Variants in BMPER observed in about 807,000 individuals in gnomAD.
The protein encoded by BMPER is BMP binding endothelial regulator, also known as BMP-binding endothelial regulator protein.
A neutral mutation model predicts 87.3 loss-of-function variants in BMPER; 45 were observed. The observed-to-expected ratio is 0.52, with a 90% CI of 0.41 to 0.66. BMPER has a LOEUF of 0.66. BMPER is among the 30% of genes least tolerant of loss of function. The pLI is 0.00. For synonymous variants in BMPER, 326 were observed against 316.2 expected, an observed-to-expected ratio of 1.03 and a Z score of -0.33; for missense variants, 784 against 867.5, an observed-to-expected ratio of 0.90 and a Z score of 1.21.
intron 6 of BMPER, among the ~76,000 whole-genome samples, chr7:34,045,389 C>T (rs926475080): frequency 6.6e-6 from 1 of 152,114 alleles, no homozygotes; most frequent in Admixed American, 6.6e-5. Context: ...AAGCAGGCAC[C>T]TCTGGTGAGG....
rs555857138 is a variant in BMPER at position 34,131,668 on chromosome 7, A to G, written c.1746-11562A>G. 4.6e-5 allele frequency among the ~76,000 whole-genome samples: 7 copies of G among 152,222 alleles called. No individual in the cohort carries two copies. The South Asian group carries it at 1.2e-3, about 27-fold the overall frequency. ...ACTTTCATAAATTTTCCTCACCGCC[A>G]TTTGTGACTCCACACTCCCAATTAC... On this transcript the variant is annotated intron_variant, in intron 13 of 14. Coordinates refer to ENST00000649409, the MANE Select transcript of BMPER (RefSeq NM_001365308.1).
At chr7:34,145,178 G>A (rs1333504096) in intron 14 of BMPER, among the ~76,000 whole-genome samples, 1 of 152,206 alleles carries the variant, frequency 6.6e-6, no homozygotes, top group Non-Finnish European at 1.5e-5. Flanking sequence ...AAACCCCTGA[G>A]TTAGTTTGTG....
At chr7:33,996,352 AT>A (rs1167049551) in intron 6 of BMPER, among the ~76,000 whole-genome samples, 1 of 151,972 alleles carries the variant, frequency 6.6e-6, no homozygotes, top group Non-Finnish European at 1.5e-5. Context: ...TAGCTGTCGT[AT>A]TTTTTTATGG....
chr7:33,943,078 A>G (rs1220068911), intron 3 of BMPER, among the ~76,000 whole-genome samples: 1 of 152,102 alleles, frequency 6.6e-6, no homozygotes, highest in Non-Finnish European at 1.5e-5. Context: ...TTTTAAATTT[A>G]ATTAAACACT....
At chr7:33,937,434 C>T (rs1784632501) in intron 3 of BMPER, 46 bp downstream of exon 3, 2 of 1,576,856 alleles carry the variant, frequency 1.3e-6, no homozygotes, top group East Asian at 2.2e-5. Flanking sequence ...CTGCTTCAGG[C>T]ATTTTTATTT....
At chr7:34,094,900 G>A (rs1325752838) in intron 13 of BMPER, among the ~76,000 whole-genome samples, 3 of 152,108 alleles carry the variant, frequency 2.0e-5, no homozygotes, top group Non-Finnish European at 4.4e-5. Context: ...CCTTCAGAAC[G>A]TCCTATGCCA....
chr7:33,928,368 A>G (rs1784407835), intron 2 of BMPER, among the ~76,000 whole-genome samples: 1 of 152,090 alleles, frequency 6.6e-6, no homozygotes, highest in African/African-American at 2.4e-5. Flanking sequence ...CAGTTACACA[A>G]ATGTGCTGTT....
At chr7:34,079,641 C>G (rs1474775162) in intron 12 of BMPER, among the ~76,000 whole-genome samples, 1 of 152,210 alleles carries the variant, frequency 6.6e-6, no homozygotes, top group East Asian at 1.9e-4. Context: ...CTGTCCAAGT[C>G]TTTGCAGCGG....
chr7:33,993,467 A>G (rs900432914), intron 6 of BMPER, among the ~76,000 whole-genome samples: 4 of 131,788 alleles, frequency 3.0e-5, no homozygotes, highest in Admixed American at 7.7e-5. Context: ...TTTCAGCTCC[A>G]TCAGCTCCTT....
intron 3 of BMPER, among the ~76,000 whole-genome samples, chr7:33,945,187 C>G (rs4487648): frequency 2.0e-5 from 3 of 151,400 alleles, no homozygotes; most frequent in East Asian, 1.9e-4. Context: ...GTGATCCGCC[C>G]GCCTTGGCCT....
At position 33,954,234 on chromosome 7, in the gene BMPER, G is replaced by T. The variant is rs536970911; in HGVS notation, c.320-12245G>T. On this transcript the variant is annotated intron_variant, in intron 3 of 14. Transcript: ENST00000649409. ...TGCCATAAACTGAAAATATGTGACTGTTGGTATGCTTAAGTATTTTTATCT... is the reference window on the plus strand; with the variant it reads ...TGCCATAAACTGAAAATATGTGACTTTTGGTATGCTTAAGTATTTTTATCT... Among the ~76,000 whole-genome samples the T allele has an allele frequency of 4.1e-4, 63 of 152,292 alleles. 1 individual carries two copies. Among genetic ancestry groups the T allele is most frequent in the African/African-American group, 1.5e-3 (63 of 41,564 alleles).
At chr7:34,133,940 T>G (rs1790655705) in intron 13 of BMPER, among the ~76,000 whole-genome samples, 2 of 152,332 alleles carry the variant, frequency 1.3e-5, no homozygotes, top group Admixed American at 6.5e-5. Flanking sequence ...TCCGACTCTC[T>G]TGTACTTGAG....
chr7:33,905,693 T>A lies in BMPER; in HGVS notation c.80T>A (p.Leu27Gln). 1 of 1,613,290 alleles carries A rather than the reference T, an allele frequency of 6.2e-7. No individual in the cohort carries two copies. The highest frequency in any genetic ancestry group is 1.3e-5 in the African/African-American group (1 of 74,960). Reference protein sequence around the residue: ...RSPGITCCVLLLLNCSGVPMS... With the variant: ...RSPGITCCVLQLLNCSGVPMS... ...CCTGGGATTACGTGCTGCGTCTTGC[T>A]GCTACTCAATTGCTCGGGGGTCCCC... Residue 27 changes from leucine (L) to glutamine (Q), a missense_variant, in exon 1 of 15, where the codon CTG becomes CAG. Coordinates refer to ENST00000649409, the MANE Select transcript of BMPER (RefSeq NM_001365308.1).
chr7:33,971,707 A>G (rs1459694268), intron 5 of BMPER, among the ~76,000 whole-genome samples: 5 of 152,136 alleles, frequency 3.3e-5, no homozygotes, highest in Non-Finnish European at 7.4e-5. Flanking sequence ...AATCTTGATG[A>G]TCAAGCTGCA....
At chr7:33,964,268 A>G (rs1268143097) in intron 3 of BMPER, among the ~76,000 whole-genome samples, 1 of 152,184 alleles carries the variant, frequency 6.6e-6, no homozygotes, top group Non-Finnish European at 1.5e-5. Context: ...CTCCATAAGT[A>G]GTTGATGGTA....
At position 34,131,348 on chromosome 7, in the gene BMPER, A is replaced by G. The variant is rs562187575; in HGVS notation, c.1746-11882A>G. Among the ~76,000 whole-genome samples, 26 of 152,162 alleles carry G rather than the reference A, an allele frequency of 1.7e-4. 1 individual carries two copies. The South Asian group carries it at 4.6e-3, about 27-fold the overall frequency. ...AGACCCTTTCTTGTGCAGTGATGGG[A>G]TGTGAATGCTGGTTTATTGTGGAGC... On this transcript the variant is annotated intron_variant, in intron 13 of 14. Coordinates refer to ENST00000649409, the MANE Select transcript of BMPER (RefSeq NM_001365308.1).
rs563634574 is a variant in BMPER, at chr7:34,034,414, G to A, written c.577-11892G>A. ...AGAGGAAATACCACTTTCCTGAGCC[G>A]GAAAAGATTCCCTCTTCTGCCATGT... On this transcript the variant is annotated intron_variant, in intron 6 of 14. Coordinates refer to ENST00000649409, the MANE Select transcript of BMPER (RefSeq NM_001365308.1). Among the ~76,000 whole-genome samples, 9 of 152,224 alleles carry A rather than the reference G, an allele frequency of 5.9e-5. No individual in the cohort carries two copies. In the South Asian group the frequency reaches 1.5e-3, roughly 25 times the overall value.
intron 13 of BMPER, among the ~76,000 whole-genome samples, chr7:34,120,060 G>A (rs531120352): frequency 1.3e-5 from 2 of 152,182 alleles, no homozygotes; most frequent in Non-Finnish European, 2.9e-5. Context: ...ATAAAAAATT[G>A]TCCAACCTTG....
intron 3 of BMPER, among the ~76,000 whole-genome samples, chr7:33,946,446 T>A (rs1331294686): frequency 2.6e-5 from 4 of 152,118 alleles, no homozygotes; most frequent in Non-Finnish European, 5.9e-5. Flanking sequence ...TAAAAGGTAA[T>A]CACATTCAAA....
Sources: gnomAD v4.1 joint callset for allele counts (sites outside exome capture counted in the v4.1 genomes callset) on GRCh38, gnomAD v4.1.1 for gene constraint, MANE v1.5 for transcripts, NCBI Gene and HGNC (gene_info 2026-07-23, HGNC 2026-07-21) for gene names.